Variants in GXYLT1 observed in about 807,000 individuals in gnomAD.
GXYLT1 encodes glycosyltransferase 8 domain containing 3.
In GXYLT1, 29 loss-of-function variants were observed where a neutral mutation model predicts 54.0. The ratio of observed to expected loss-of-function variants is 0.54; its 90% CI spans 0.40 to 0.73. The LOEUF (loss-of-function observed/expected upper bound fraction) is 0.73, where lower values mean the gene tolerates loss of function less well. GXYLT1 is among the 30% of genes least tolerant of loss of function. The pLI is 0.00. For synonymous variants in GXYLT1, 176 were observed against 204.1 expected (o/e 0.86, Z 1.17); for missense variants, 490 against 553.4 (o/e 0.89, Z 1.15).
intron 2 of GXYLT1, among the ~76,000 whole-genome samples, chr12:42,120,204 C>T (rs986088142): frequency 1.3e-5 from 2 of 152,216 alleles, no homozygotes; most frequent in Admixed American, 1.3e-4. Context: ...CACCAACCAA[C>T]AGTTCACTGT....
Position 42,084,312 on chromosome 12 carries a change from TTTCC to T in GXYLT1, c.*3470_*3473del, listed in dbSNP as rs1411961428. The T allele has an allele frequency of 1.3e-5, 2 of 152,448 alleles. No individual in the cohort carries two copies. The highest frequency in any genetic ancestry group is 2.9e-5 in the Non-Finnish European group (2 of 68,152). 9.4% of individuals were successfully genotyped at this position (152,448 alleles called of 1,614,324 possible). On this transcript the variant is annotated 3_prime_UTR_variant, in exon 8 of 8. Transcript: ENST00000398675. ...TCACCCCTTTTCTCACTTCCTCTCT[TTTCC>T]TTCTTTTTTGATTTAGTTACATCAT...
At chr12:42,107,140 T>G (rs940363330) in intron 4 of GXYLT1, among the ~76,000 whole-genome samples, 1 of 152,200 alleles carries the variant, frequency 6.6e-6, no homozygotes, top group Non-Finnish European at 1.5e-5. Context: ...ATTAGTAAGA[T>G]TCAATAAATA....
chr12:42,098,963 C>T (rs2065374247), intron 5 of GXYLT1, among the ~76,000 whole-genome samples: 1 of 151,752 alleles, frequency 6.6e-6, no homozygotes, highest in African/African-American at 2.4e-5. Context: ...CATATAAAGT[C>T]AAAGAAGATT....
rs2065282768 is a variant in GXYLT1 at position 42,085,245 on chromosome 12, T to C, written c.*2541A>G. 1 of 152,158 alleles carries C rather than the reference T, an allele frequency of 6.6e-6. No homozygotes were observed. Among genetic ancestry groups the C allele is most frequent in the South Asian group, 2.1e-4 (1 of 4,832 alleles). 9.4% of individuals were successfully genotyped at this position (152,158 alleles called of 1,614,324 possible). ...TTCAATTTATGGTAAAATGATCAAT[T>C]AGGTCAGGTCTAAATAAACCAGATG... On this transcript the variant is annotated 3_prime_UTR_variant, in exon 8 of 8. Coordinates refer to ENST00000398675, the MANE Select transcript of GXYLT1 (RefSeq NM_173601.2).
rs1455101584 is a variant in GXYLT1 at position 42,128,817 on chromosome 12, C to T, written c.314+942G>A. On this transcript the variant is annotated intron_variant, in intron 2 of 7. Transcript: ENST00000398675. ...CAAGCAATCCTCCCACCCAAGCCAG[C>T]GCATGCCACCATGCCTGGGTAATTT... 5.3e-5 allele frequency among the ~76,000 whole-genome samples: 8 copies of T among 152,074 alleles called. No homozygotes were observed. In the East Asian group the frequency reaches 1.4e-3, roughly 26 times the overall value.
Position 42,136,394 on chromosome 12 carries a change from T to G in GXYLT1, c.222-6543A>C, listed in dbSNP as rs568641605. On this transcript the variant is annotated intron_variant, in intron 1 of 7. Coordinates refer to ENST00000398675, the MANE Select transcript of GXYLT1 (RefSeq NM_173601.2). ...CAAAGAGGTAACTCTATTAAATAAT[T>G]TTAATGAGGCAAAGCATTAATATGA... 9.2e-5 allele frequency among the ~76,000 whole-genome samples: 14 copies of G among 152,322 alleles called. No individual in the cohort carries two copies. In the East Asian group the frequency reaches 2.7e-3, roughly 29 times the overall value.
intron 5 of GXYLT1, among the ~76,000 whole-genome samples, chr12:42,100,758 C>CT (rs1319754300): frequency 6.6e-6 from 1 of 151,850 alleles, no homozygotes; most frequent in African/African-American, 2.4e-5. Flanking sequence ...AGGAAATATT[C>CT]TTAGGATCTG....
intron 3 of GXYLT1, among the ~76,000 whole-genome samples, chr12:42,110,391 G>C (rs1051200201): frequency 1.3e-5 from 2 of 152,058 alleles, no homozygotes; most frequent in Non-Finnish European, 2.9e-5. Context: ...CAATCTATGG[G>C]GGGGAAAAAA....
rs2065296562 is a variant in GXYLT1, at chr12:42,086,834, A to G, written c.*952T>C. 1 of 152,118 alleles carries G rather than the reference A, an allele frequency of 6.6e-6. No homozygotes were observed. The highest frequency in any genetic ancestry group is 2.4e-5 in the African/African-American group (1 of 41,424). 9.4% of individuals were successfully genotyped at this position (152,118 alleles called of 1,614,324 possible). On this transcript the variant is annotated 3_prime_UTR_variant, in exon 8 of 8. Coordinates refer to ENST00000398675, the MANE Select transcript of GXYLT1 (RefSeq NM_173601.2). ...GGTAGAAGACAAGTTTAAATGGACC[A>G]TATTTTTCTACTCCATTGTAACTAA...
chr12:42,089,373 A>T (rs936692845), intron 7 of GXYLT1, among the ~76,000 whole-genome samples: 2 of 150,756 alleles, frequency 1.3e-5, no homozygotes, highest in African/African-American at 4.9e-5. Context: ...GCATTAGGAG[A>T]CATACCTAAT....
rs908944551 is a variant in GXYLT1, at chr12:42,082,451, G to A, written c.*5335C>T. On this transcript the variant is annotated 3_prime_UTR_variant, in exon 8 of 8. Coordinates refer to ENST00000398675, the MANE Select transcript of GXYLT1 (RefSeq NM_173601.2). ...CCTGAAGAGGTTTTATAAAAAGGTT[G>A]AAAATGGCTGTTTTTCATAGTCAAA... The A allele has an allele frequency of 3.3e-5, 5 of 152,136 alleles. No homozygotes were observed. Among genetic ancestry groups the A allele is most frequent in the African/African-American group, 1.2e-4 (5 of 41,418 alleles). The allele number at this position is 152,136 out of a possible 1,614,324, so 9.4% of individuals were successfully genotyped here. A position where few individuals can be genotyped will look rare whatever the true frequency, so the allele number is the denominator to read the frequency against.
Position 42,090,191 on chromosome 12 carries a change from TATGAAA to T in GXYLT1, c.1162-2250_1162-2245del, listed in dbSNP as rs970754493. On this transcript the variant is annotated intron_variant, in intron 7 of 7. Transcript: ENST00000398675. ...TAGTTAGACCTCTTTCTGCCCATCA[TATGAAA>T]AAAGCAATCTGACCTCTAAGGAAGA... 5.6e-4 allele frequency among the ~76,000 whole-genome samples: 85 copies of T among 152,146 alleles called. 1 individual carries two copies. The highest frequency in any genetic ancestry group is 8.8e-5 in the Non-Finnish European group (6 of 68,022).
chr12:42,125,717 AAAG>A (rs1335428095), intron 2 of GXYLT1, among the ~76,000 whole-genome samples: 1 of 152,208 alleles, frequency 6.6e-6, no homozygotes, highest in Admixed American at 6.5e-5. Flanking sequence ...CTTTTTATTA[AAAG>A]AAGTAAAACC....
chr12:42,125,316 G>A (rs1042482398), intron 2 of GXYLT1, among the ~76,000 whole-genome samples: 4 of 152,224 alleles, frequency 2.6e-5, no homozygotes, highest in African/African-American at 9.7e-5. Flanking sequence ...GTTTGAACAT[G>A]AGTCTCTGAG....
At chr12:42,102,869 ATT>A (rs2065397861) in intron 5 of GXYLT1, among the ~76,000 whole-genome samples, 1 of 151,992 alleles carries the variant, frequency 6.6e-6, no homozygotes, top group African/African-American at 2.4e-5. Context: ...AAAAATTATG[ATT>A]TTTAAAAAGT....
At chr12:42,126,399 C>T (rs1486822351) in intron 2 of GXYLT1, among the ~76,000 whole-genome samples, 1 of 152,054 alleles carries the variant, frequency 6.6e-6, no homozygotes, top group African/African-American at 2.4e-5. Flanking sequence ...TCAAAAGAAG[C>T]TTGCTGATGA....
At chr12:42,108,995 T>C (rs1176580831) in intron 4 of GXYLT1, among the ~76,000 whole-genome samples, 1 of 151,564 alleles carries the variant, frequency 6.6e-6, no homozygotes, top group Non-Finnish European at 1.5e-5. Flanking sequence ...CATTTGTATA[T>C]AAAAAAGAAA....
chr12:42,129,829 AAC>A lies in GXYLT1; in HGVS notation c.242_243del (p.Cys81LeufsTer11). 2.5e-6 allele frequency: 4 copies of A among 1,613,208 alleles called. No homozygotes were observed. The highest frequency in any genetic ancestry group is 3.4e-6 in the Non-Finnish European group (4 of 1,179,290). ...GGCAGCATCCAATAGGGATTCCAGT[AAC>A]ACAGAGAGAAATCTTTACACCTAAC... ...VSDRCKDFSL[C>X]YWNPYWMLPS... is the part of the protein sequence containing the mutation. On this transcript the variant is annotated frameshift_variant, in exon 2 of 8. Transcript: ENST00000398675. LOFTEE classifies it high-confidence loss of function.
At chr12:42,129,131 A>G (rs7133752) in intron 2 of GXYLT1, among the ~76,000 whole-genome samples, 78,196 of 152,032 alleles carry the variant, frequency 0.51, 20,551 homozygotes, top group South Asian at 0.7. Context: ...ATTCTTATCA[A>G]TACCTGTTTC....
Sources: allele counts gnomAD v4.1 joint callset (sites outside exome capture counted in the v4.1 genomes callset), GRCh38; gene constraint gnomAD v4.1.1; transcripts MANE v1.5; gene names NCBI Gene and HGNC (gene_info 2026-07-23, HGNC 2026-07-21).